SMC4: variants seen among roughly 807,000 people sequenced by gnomAD.
SMC4 encodes the protein structural maintenance of chromosomes protein 4.
In SMC4, 87 loss-of-function variants were observed where a neutral mutation model predicts 145.6. The ratio of observed to expected loss-of-function variants is 0.60; its 90% CI spans 0.50 to 0.71. SMC4 has a LOEUF of 0.71. SMC4 is among the 30% of genes least tolerant of loss of function. SMC4 has a pLI of 0.00. For synonymous variants in SMC4, 558 were observed against 500.7 expected (o/e 1.11, Z -1.53); for missense variants, 1,447 against 1,537.1 (o/e 0.94, Z 0.98).
At position 160,412,343 on chromosome 3, in the gene SMC4, G is replaced by A. The variant is rs752591964; in HGVS notation, c.870G>A (p.Met290Ile). 1.0e-5 allele frequency: 16 copies of A among 1,597,180 alleles called. No individual in the cohort carries two copies. Among genetic ancestry groups the A allele is most frequent in the African/African-American group, 1.3e-5 (1 of 74,514 alleles). ...TTCTGTAGTTAAACAGGGTAAAGAT[G>A]GTGGAAAAGGAAAAGGATGCCTTAG... ...HRGEKLNRVK[M>I]VEKEKDALEG... Residue 290 changes from methionine to isoleucine, a missense_variant, in exon 7 of 24, where the codon ATG (methionine) becomes ATA (isoleucine). Transcript: ENST00000357388.
chr3:160,412,759 T>C, intron 7 of SMC4: 3 of 844,016 alleles, frequency 3.6e-6, no homozygotes, highest in Non-Finnish European at 4.3e-6. Context: ...GTGACACCTG[T>C]CATCCCGTTG....
Position 160,416,428 on chromosome 3 carries a change from T to C in SMC4, c.1437+13T>C. 1 of 1,453,542 alleles carries C rather than the reference T, an allele frequency of 6.9e-7. No individual in the cohort carries two copies. Among genetic ancestry groups the C allele is most frequent in the Non-Finnish European group, 9.1e-7 (1 of 1,094,992 alleles). The allele number at this position is 1,453,542 out of a possible 1,614,324, so 90.0% of individuals were successfully genotyped here. A position where few individuals can be genotyped will look rare whatever the true frequency, so the allele number is the denominator to read the frequency against. The stretch of plus-strand genomic sequence containing the variant: ...GAAAGAAAAAGAAGTAAGTTTTTTT[T>C]TTTTATCAGTGTTTATTTTGGTGGC... On this transcript the variant is annotated intron_variant, in intron 10 of 23. Coordinates refer to ENST00000357388, the MANE Select transcript of SMC4 (RefSeq NM_001002800.3).
rs1052558218 is a variant in SMC4 at position 160,399,717 on chromosome 3, C to T, written c.-38C>T. 1 of 152,694 alleles carries T rather than the reference C, an allele frequency of 6.5e-6. No homozygotes were observed. Among genetic ancestry groups the T allele is most frequent in the African/African-American group, 2.4e-5 (1 of 41,470 alleles). 9.5% of individuals were successfully genotyped at this position (152,694 alleles called of 1,614,324 possible). On this transcript the variant is annotated 5_prime_UTR_variant, in exon 1 of 24. Transcript: ENST00000357388. ...GGGGAGGTGGGTACTACACAACCGT[C>T]TCCAGCCTTGGTCTGAGTGGACTGT...
At chr3:160,414,653 G>A in intron 9 of SMC4, 136 bp downstream of exon 9, 1 of 911,694 alleles carries the variant, frequency 1.1e-6, no homozygotes, top group Non-Finnish European at 1.7e-6. Context: ...CTCTGAACAT[G>A]ATTTTACCCC....
intron 5 of SMC4, among the ~76,000 whole-genome samples, chr3:160,409,452 T>C (rs1715743889): frequency 6.6e-6 from 1 of 152,126 alleles, no homozygotes; most frequent in South Asian, 2.1e-4. Context: ...GCAACCATTG[T>C]TATTTACCCA....
intron 17 of SMC4, among the ~76,000 whole-genome samples, 174 bp downstream of exon 17, chr3:160,426,374 G>C (rs1273775075): frequency 2.6e-5 from 4 of 152,166 alleles, no homozygotes; most frequent in Non-Finnish European, 5.9e-5. Flanking sequence ...TGACAAATAA[G>C]GAAACTGAGG....
At position 160,433,355 on chromosome 3, in the gene SMC4, C is replaced by G. The variant is rs1029827888; in HGVS notation, c.3714+146C>G. 6.9e-6 allele frequency: 4 copies of G among 577,966 alleles called. No individual in the cohort carries two copies. The African/African-American group carries it at 7.6e-5, about 11-fold the overall frequency. 35.8% of individuals were successfully genotyped at this position (577,966 alleles called of 1,614,324 possible). A position where few individuals can be genotyped will look rare whatever the true frequency, so the allele number is the denominator to read the frequency against. ...CATCTCCTCTGGTATCAGTGGAGAC[C>G]AAATTATTTTTTATTTGAACCAAAT... On this transcript the variant is annotated intron_variant, in intron 23 of 23. Transcript: ENST00000357388.
In SMC4 at chr3:160,412,014, G is replaced by A; in HGVS notation, c.782G>A (p.Gly261Glu). The change falls in exon 6 of 24, where the codon GGA becomes GAA. Residue 261 changes from glycine to glutamate, a missense_variant. Gly to Glu is a moderately conservative substitution (Grantham distance 98, BLOSUM62 -2). Coordinates refer to ENST00000357388, the MANE Select transcript of SMC4 (RefSeq NM_001002800.3). ...TATTTAGAAGATATAATTGGTTGTG[G>A]ACGGCTAAATGAACCTATTAAAGTC... ...LEYLEDIIGC[G>E]RLNEPIKVLC... 1 of 1,613,672 alleles carries A rather than the reference G, an allele frequency of 6.2e-7. No individual in the cohort carries two copies. Among genetic ancestry groups the A allele is most frequent in the South Asian group, 1.1e-5 (1 of 91,074 alleles).
Position 160,431,799 on chromosome 3 carries a change from G to A in SMC4, c.3271G>A (p.Gly1091Ser), listed in dbSNP as rs200445610. ...ARCHEMKPNL[G>S]AIAEYKKKEE... ...GTGTCATGAAATGAAACCAAACCTC[G>A]GTGCCATCGCAGAGTATAAAAAGAA... The change falls in exon 21 of 24, where the codon GGT becomes AGT. Residue 1091 changes from glycine (G) to serine (S), a missense_variant. Transcript: ENST00000357388. 1.8e-4 allele frequency: 289 copies of A among 1,613,444 alleles called. No homozygotes were observed. The highest frequency in any genetic ancestry group is 3.7e-4 in the Admixed American group (22 of 59,782).
chr3:160,422,292 A>G (rs1383454932), intron 13 of SMC4, among the ~76,000 whole-genome samples: 1 of 152,228 alleles, frequency 6.6e-6, no homozygotes, highest in African/African-American at 2.4e-5. Context: ...TTGTTTCCAC[A>G]GTGGCTGTAC....
intron 5 of SMC4, among the ~76,000 whole-genome samples, chr3:160,408,882 C>CA (rs1236047469): frequency 1.3e-5 from 2 of 152,068 alleles, no homozygotes; most frequent in East Asian, 3.9e-4. Context: ...TGTAATACCA[C>CA]AGTAGTCTTA....
chr3:160,403,077 C>T lies in SMC4; in HGVS notation c.510+210C>T, dbSNP rs138181148. Among the ~76,000 whole-genome samples the T allele has an allele frequency of 4.2e-3, 639 of 152,094 alleles. 7 individuals carry two copies. Among genetic ancestry groups the T allele is most frequent in the African/African-American group, 0.015 (605 of 41,514 alleles). ...CTAAAGAAATGAAGTATAAATAGTTCATAGTAATCCTTTTTGGAATAAAAG... is the reference window on the plus strand; with the variant it reads ...CTAAAGAAATGAAGTATAAATAGTTTATAGTAATCCTTTTTGGAATAAAAG... On this transcript the variant is annotated intron_variant, in intron 4 of 23. Coordinates refer to ENST00000357388, the MANE Select transcript of SMC4 (RefSeq NM_001002800.3).
At chr3:160,430,479 TA>T in intron 18 of SMC4, 119 bp from the exon 19 acceptor site, 1 of 940,498 alleles carries the variant, frequency 1.1e-6, no homozygotes, top group Non-Finnish European at 1.6e-6. Flanking sequence ...ATCATAAACT[TA>T]AAAATATATG....
intron 5 of SMC4, among the ~76,000 whole-genome samples, chr3:160,411,546 C>T (rs2108464873): frequency 6.6e-6 from 1 of 152,238 alleles, no homozygotes; most frequent in African/African-American, 2.4e-5. Context: ...AATGTTTCCA[C>T]TATAATCAGA....
rs1038263749 is a variant in SMC4 at position 160,419,502 on chromosome 3, G to GA, written c.1824dup (p.Ser609IlefsTer18). On this transcript the variant is annotated frameshift_variant, in exon 12 of 24. Transcript: ENST00000357388. LOFTEE classifies it high-confidence loss of function. ...GAAAGTCCTTGATGCAATAATTCAA[G>GA]AAAAAAAATCTGGCAGGATTCCAGG... 9 of 1,596,804 alleles carry GA rather than the reference G, an allele frequency of 5.6e-6. No individual in the cohort carries two copies. Among genetic ancestry groups the GA allele is most frequent in the Admixed American group, 3.6e-5 (2 of 56,142 alleles).
At chr3:160,430,198 A>AAGGAGGTAATAAGGGAGT (rs1718243718) in intron 18 of SMC4, among the ~76,000 whole-genome samples, 1 of 152,074 alleles carries the variant, frequency 6.6e-6, no homozygotes, top group African/African-American at 2.4e-5. Context: ...AATAAGGGAG[A>AAGGAGGTAATAAGGGAGT]AGTAGTGTCT....
chr3:160,407,500 C>A (rs62272236), intron 5 of SMC4, among the ~76,000 whole-genome samples: 6,928 of 152,098 alleles, frequency 0.046, 223 homozygotes, highest in Middle Eastern at 0.078. Flanking sequence ...TTGCAGTGAG[C>A]CAACATCGTA....
chr3:160,406,786 C>G (rs1715378738), intron 5 of SMC4, among the ~76,000 whole-genome samples: 1 of 152,080 alleles, frequency 6.6e-6, no homozygotes, highest in South Asian at 2.1e-4. Flanking sequence ...TTACTTAAAT[C>G]CATTAAAAAT....
intron 13 of SMC4, among the ~76,000 whole-genome samples, chr3:160,421,458 A>G (rs1365398427): frequency 6.6e-6 from 1 of 152,022 alleles, no homozygotes; most frequent in Non-Finnish European, 1.5e-5. Flanking sequence ...AAAATTTATC[A>G]TTTTAGGCCA....
Sources: gnomAD v4.1 joint callset for allele counts (sites outside exome capture counted in the v4.1 genomes callset) on GRCh38, gnomAD v4.1.1 for gene constraint, MANE v1.5 for transcripts, NCBI Gene and HGNC (gene_info 2026-07-23, HGNC 2026-07-21) for gene names.